The following MBD5 variants were observed in gnomAD, a reference collection of about 807,000 sequenced individuals.
MBD5 encodes the protein methyl-CpG binding domain protein 5.
A neutral mutation model predicts 117.3 loss-of-function variants in MBD5; 13 were observed. That is an observed-to-expected ratio of 0.11 (90% confidence interval 0.07 to 0.18). The LOEUF (loss-of-function observed/expected upper bound fraction) is 0.18, where lower values mean the gene tolerates loss of function less well. Among genes scored for constraint, MBD5 ranks in the 10% least tolerant of loss-of-function variants. MBD5 has a pLI of 1.00. For missense variants in MBD5, 1,879 were observed against 2,093.8 expected (o/e 0.90, Z 2.00); for synonymous variants, 727 against 766.4 (o/e 0.95, Z 0.85).
At chr2:148,061,281 A>G (rs1348342258) in intron 1 of MBD5, among the ~76,000 whole-genome samples, 1 of 152,080 alleles carries the variant, frequency 6.6e-6, no homozygotes, top group Non-Finnish European at 1.5e-5. Context: ...CATTCAAATG[A>G]TCAGTCGCTC....
At chr2:148,410,646 G>A (rs1705221190) in intron 4 of MBD5, among the ~76,000 whole-genome samples, 1 of 152,086 alleles carries the variant, frequency 6.6e-6, no homozygotes, top group Admixed American at 6.5e-5. Flanking sequence ...GCCCAGGCTG[G>A]TCTTGAACTC....
intron 3 of MBD5, among the ~76,000 whole-genome samples, chr2:148,280,131 C>CAAAAAAAAAAAAAAAAAAAAAAAAAGAA (rs3076398): frequency 1.1e-5 from 1 of 91,882 alleles, no homozygotes; most frequent in African/African-American, 4.0e-5. Flanking sequence ...AAACTAACTG[C>CAAAAAAAAAAAAAAAAAAAAAAAAAGAA]AAAAAAAAAA....
intron 2 of MBD5, among the ~76,000 whole-genome samples, chr2:148,219,751 G>A (rs1322098994): frequency 6.6e-6 from 1 of 152,044 alleles, no homozygotes; most frequent in Non-Finnish European, 1.5e-5. Context: ...ACAAAAAACT[G>A]GGGAAATCAC....
chr2:148,279,628 G>A (rs1016139174), intron 3 of MBD5, among the ~76,000 whole-genome samples: 4 of 152,192 alleles, frequency 2.6e-5, no homozygotes, highest in Middle Eastern at 3.2e-3. Flanking sequence ...TTTTTGCTTA[G>A]AATATCATTT....
At chr2:148,402,667 T>C (rs1704959644) in intron 4 of MBD5, among the ~76,000 whole-genome samples, 1 of 152,226 alleles carries the variant, frequency 6.6e-6, no homozygotes, top group African/African-American at 2.4e-5. Context: ...AGGATAATTA[T>C]TTTGAGATTT....
intron 5 of MBD5, among the ~76,000 whole-genome samples, chr2:148,459,890 T>C (rs1428491103): frequency 6.6e-6 from 1 of 152,144 alleles, no homozygotes; most frequent in Non-Finnish European, 1.5e-5. Context: ...AGCATTTTGT[T>C]GCATAAATTT....
In MBD5 at chr2:148,280,145, A is replaced by AAC. The variant is rs1553493540; in HGVS notation, c.-680+46751_-680+46752insCA. ...AAAACTAACTGCAAAAAAAAAAAAAAAAAAACAAAAAGAAAAAACAGAAAA... is the reference window on the plus strand; with the variant it reads ...AAAACTAACTGCAAAAAAAAAAAAAAACAAAAACAAAAAGAAAAAACAGAAAA... On this transcript the variant is annotated intron_variant, in intron 3 of 13. Transcript: ENST00000642680. Among the ~76,000 whole-genome samples, 18 of 151,006 alleles carry AAC rather than the reference A, an allele frequency of 1.2e-4. No homozygotes were observed. The South Asian group carries it at 1.9e-3, about 16-fold the overall frequency.
intron 1 of MBD5, among the ~76,000 whole-genome samples, chr2:148,065,721 T>C (rs1695170179): frequency 6.6e-6 from 1 of 152,158 alleles, no homozygotes; most frequent in African/African-American, 2.4e-5. Context: ...CAAAATAAAA[T>C]GCTGAAGTTT....
intron 1 of MBD5, among the ~76,000 whole-genome samples, chr2:148,072,755 T>A (rs1226061626): frequency 6.6e-6 from 1 of 152,110 alleles, no homozygotes; most frequent in Non-Finnish European, 1.5e-5. Flanking sequence ...AACTAAAAAG[T>A]TTTTTTCCAA....
chr2:148,050,742 A>G (rs915423982), intron 1 of MBD5, among the ~76,000 whole-genome samples: 5 of 152,172 alleles, frequency 3.3e-5, no homozygotes, highest in African/African-American at 1.2e-4. Context: ...TCAGGCTTTC[A>G]GTAATATCCT....
At chr2:148,394,550 T>G (rs888753571) in intron 4 of MBD5, among the ~76,000 whole-genome samples, 3 of 151,564 alleles carry the variant, frequency 2.0e-5, no homozygotes, top group Non-Finnish European at 2.9e-5. Flanking sequence ...CTTTGGTTTT[T>G]TTTTTTTTTT....
intron 1 of MBD5, among the ~76,000 whole-genome samples, chr2:148,107,041 ATTT>A (rs1385740345): frequency 6.6e-6 from 1 of 151,856 alleles, no homozygotes; most frequent in Non-Finnish European, 1.5e-5. Context: ...TCTATCTGGT[ATTT>A]TAGTTGTTTT....
intron 1 of MBD5, among the ~76,000 whole-genome samples, chr2:148,143,492 A>G (rs894870451): frequency 6.6e-6 from 1 of 152,212 alleles, no homozygotes; most frequent in African/African-American, 2.4e-5. Context: ...TTTTTTAATT[A>G]TACTTTACGT....
At chr2:148,219,333 T>C (rs1028303516) in intron 2 of MBD5, among the ~76,000 whole-genome samples, 1 of 152,122 alleles carries the variant, frequency 6.6e-6, no homozygotes, top group Non-Finnish European at 1.5e-5. Context: ...TGCTTTCTTC[T>C]GGAGTACCTC....
chr2:148,097,529 G>A (rs1230331114), intron 1 of MBD5, among the ~76,000 whole-genome samples: 1 of 152,160 alleles, frequency 6.6e-6, no homozygotes, highest in African/African-American at 2.4e-5. Flanking sequence ...TTTGTATTAG[G>A]TGGCCCTTAT....
chr2:148,282,225 A>T (rs543848067), intron 3 of MBD5, among the ~76,000 whole-genome samples: 43 of 152,306 alleles, frequency 2.8e-4, no homozygotes, highest in African/African-American at 9.9e-4. Context: ...GTTTGCACAT[A>T]CATATTTGGA....
rs77213206 is a variant in MBD5 at position 148,463,819 on chromosome 2, A to G, written c.297A>G (p.Leu99=). ...DVKADEDVTK[L]CIHKRKIIAV... ...AGGCAGATGAAGATGTCACAAAGCT[A>G]TGCATACATAAAAGAAAAATTATTG... The change falls in exon 7 of 14, where the codon CTA becomes CTG. Residue 99 remains leucine (L), a synonymous_variant. Transcript: ENST00000642680. 7.5e-4 allele frequency: 1,212 copies of G among 1,613,844 alleles called. 9 individuals are homozygous for G. The African/African-American group carries it at 0.014, about 19-fold the overall frequency.
intron 1 of MBD5, among the ~76,000 whole-genome samples, chr2:148,088,732 C>A (rs1361388585): frequency 6.6e-6 from 1 of 151,948 alleles, no homozygotes; most frequent in Non-Finnish European, 1.5e-5. Flanking sequence ...AACAGAATAT[C>A]AAAATGCACA....
chr2:148,445,538 G>A (rs945255872), intron 4 of MBD5, among the ~76,000 whole-genome samples: 1 of 151,264 alleles, frequency 6.6e-6, no homozygotes, highest in Non-Finnish European at 1.5e-5. Flanking sequence ...GTCTATCATT[G>A]TTGGACATTT....
Sources: gnomAD v4.1 joint callset for allele counts (sites outside exome capture counted in the v4.1 genomes callset) on GRCh38, gnomAD v4.1.1 for gene constraint, MANE v1.5 for transcripts, NCBI Gene and HGNC (gene_info 2026-07-23, HGNC 2026-07-21) for gene names.